Variants in G2E3 observed in about 807,000 individuals in gnomAD.
G2E3 encodes G2/M-phase specific E3 ubiquitin protein ligase.
In G2E3, 35 loss-of-function variants were observed where a neutral mutation model predicts 92.8. The observed-to-expected ratio is 0.38, with a 90% CI of 0.29 to 0.50. G2E3 has a LOEUF of 0.50. G2E3 is among the 20% of genes least tolerant of loss of function. The pLI is 0.94. For missense variants in G2E3, 554 were observed against 823.8 expected (o/e 0.67, Z 4.01); for synonymous variants, 242 against 272.4 (o/e 0.89, Z 1.10).
chr14:30,570,435 C>T (rs74900089), intron 1 of G2E3, among the ~76,000 whole-genome samples: 2,947 of 152,126 alleles, frequency 0.019, 53 homozygotes, highest in Middle Eastern at 0.034. Context: ...CTTTCTGTTC[C>T]ACTTTCTCCG....
intron 1 of G2E3, among the ~76,000 whole-genome samples, chr14:30,563,894 A>G (rs1879277199): frequency 6.6e-6 from 1 of 151,830 alleles, no homozygotes; most frequent in South Asian, 2.1e-4. Context: ...AATTTTTGTG[A>G]TTTTAGTAGA....
chr14:30,580,913 C>T lies in G2E3; in HGVS notation c.-4-163C>T, dbSNP rs1252158534. ...AAAAATGTTCCCGACTCTTAACACC[C>T]CAGTTGAGAACTACTGATCTTAGAT... On this transcript the variant is annotated intron_variant, in intron 1 of 14. Coordinates refer to ENST00000206595, the MANE Select transcript of G2E3 (RefSeq NM_017769.5). 5.2e-6 allele frequency: 3 copies of T among 579,656 alleles called. No individual in the cohort carries two copies. The African/African-American group carries it at 5.9e-5, about 11-fold the overall frequency. The allele number at this position is 579,656 out of a possible 1,614,324, so 35.9% of individuals were successfully genotyped here. A position where few individuals can be genotyped will look rare whatever the true frequency, so the allele number is the denominator to read the frequency against.
intron 3 of G2E3, among the ~76,000 whole-genome samples, chr14:30,587,790 CAGAG>C (rs1229316619): frequency 1.3e-5 from 2 of 151,852 alleles, no homozygotes; most frequent in South Asian, 2.1e-4. Context: ...ATGAGAGAGA[CAGAG>C]AGAGAGAAAT....
chr14:30,597,400 CTT>C lies in G2E3; in HGVS notation c.529-16_529-15del, dbSNP rs774750248. 1.5e-5 allele frequency: 18 copies of C among 1,200,304 alleles called. No homozygotes were observed. The highest frequency in any genetic ancestry group is 3.0e-5 in the African/African-American group (2 of 67,158). 74.4% of individuals were successfully genotyped at this position (1,200,304 alleles called of 1,614,324 possible). A position where few individuals can be genotyped will look rare whatever the true frequency, so the allele number is the denominator to read the frequency against. On this transcript the variant is annotated intron_variant, in intron 6 of 14. Transcript: ENST00000206595. ...ACAGATTTAAATCATTAACAGTAGA[CTT>C]TTTATTTTCCACTGTAGGTTCAAGC...
At chr14:30,608,624 T>C (rs896393592) in intron 12 of G2E3, among the ~76,000 whole-genome samples, 4 of 152,350 alleles carry the variant, frequency 2.6e-5, no homozygotes, top group East Asian at 3.9e-4. Flanking sequence ...TCAGCACTTA[T>C]AATGGGACCT....
intron 1 of G2E3, among the ~76,000 whole-genome samples, chr14:30,566,975 T>C (rs1879476055): frequency 2.0e-5 from 3 of 152,324 alleles, no homozygotes; most frequent in Admixed American, 2.0e-4. Flanking sequence ...TAGTATGGTA[T>C]ATTATATTGG....
At chr14:30,575,548 G>T (rs1421969743) in intron 1 of G2E3, among the ~76,000 whole-genome samples, 3 of 152,050 alleles carry the variant, frequency 2.0e-5, no homozygotes, top group Admixed American at 2.0e-4. Flanking sequence ...GGAAATAAAG[G>T]GCATCCAAAT....
intron 1 of G2E3, among the ~76,000 whole-genome samples, chr14:30,576,684 T>G (rs570807849): frequency 6.6e-6 from 1 of 152,324 alleles, no homozygotes; most frequent in South Asian, 2.1e-4. Flanking sequence ...TTATTATGTA[T>G]GGGACATCCA....
intron 1 of G2E3, chr14:30,574,692 T>C (rs1236328868): frequency 6.6e-6 from 1 of 152,256 alleles, no homozygotes; most frequent in African/African-American, 2.4e-5. Context: ...TTTTTGTTCC[T>C]GTATTACTGT....
chr14:30,567,246 C>T (rs1879490152), intron 1 of G2E3, among the ~76,000 whole-genome samples: 1 of 152,048 alleles, frequency 6.6e-6, no homozygotes, highest in African/African-American at 2.4e-5. Flanking sequence ...AGATTGGTGC[C>T]AATTTTTCTT....
At chr14:30,615,294 T>TA in intron 13 of G2E3, 55 bp from the exon 14 acceptor site, 1 of 906,574 alleles carries the variant, frequency 1.1e-6, no homozygotes, top group Non-Finnish European at 1.7e-6. Flanking sequence ...TATTCCCTAA[T>TA]ATAATACCAA....
chr14:30,575,113 C>T (rs1274039907), intron 1 of G2E3, among the ~76,000 whole-genome samples: 1 of 152,102 alleles, frequency 6.6e-6, no homozygotes, highest in African/African-American at 2.4e-5. Flanking sequence ...TGATAATAGC[C>T]ATTCTGACTG....
At chr14:30,567,477 G>T (rs1879507615) in intron 1 of G2E3, among the ~76,000 whole-genome samples, 1 of 151,782 alleles carries the variant, frequency 6.6e-6, no homozygotes, top group Non-Finnish European at 1.5e-5. Context: ...CTTTTTATTT[G>T]TATTAGGTCT....
intron 12 of G2E3, 147 bp from the exon 13 acceptor site, chr14:30,612,060 T>C: frequency 1.7e-6 from 1 of 595,992 alleles, no homozygotes. Context: ...GATCAGACAT[T>C]TATTCTAGAA....
At chr14:30,604,794 A>G (rs565261418) in intron 10 of G2E3, among the ~76,000 whole-genome samples, 66 of 152,352 alleles carry the variant, frequency 4.3e-4, no homozygotes, top group Middle Eastern at 6.8e-3. Context: ...TTAAAAAAGG[A>G]CATAGTAAAT....
intron 3 of G2E3, among the ~76,000 whole-genome samples, chr14:30,588,275 A>G (rs1291126662): frequency 1.4e-4 from 22 of 152,002 alleles, no homozygotes; most frequent in Non-Finnish European, 5.9e-5. Flanking sequence ...ATTTTTTTCT[A>G]TAAAAAGTAA....
rs762985458 is a variant in G2E3 at position 30,612,323 on chromosome 14, A to C, written c.1617A>C (p.Leu539Phe). Residue 539 changes from leucine (L) to phenylalanine (F), a missense_variant, in exon 13 of 15, where the codon TTA becomes TTC. By Grantham distance (22) the Leu-to-Phe change is conservative. Around this residue, in one of 3 missense-constraint regions of G2E3, gnomAD observed 397 missense variants for 560.3 expected, o/e 0.71. Transcript: ENST00000206595. ...CGACATTAAGTGATAAATATATGTT[A>C]GTAAAAGACATACTTGGCTACCATG... ...LITTLSDKYM[L>F]VKDILGYHVI... The C allele has an allele frequency of 1.2e-6, 2 of 1,607,376 alleles. No homozygotes were observed. Among genetic ancestry groups the C allele is most frequent in the Admixed American group, 3.3e-5 (2 of 59,804 alleles).
intron 1 of G2E3, among the ~76,000 whole-genome samples, chr14:30,562,148 T>A (rs1566519908): frequency 6.6e-6 from 1 of 152,132 alleles, no homozygotes. Flanking sequence ...AATGTATTTT[T>A]AAAATATTTA....
At chr14:30,590,579 G>A (rs1299471279) in intron 4 of G2E3, 3 of 441,346 alleles carry the variant, frequency 6.8e-6, no homozygotes, top group South Asian at 1.6e-5. Context: ...ATTCAAGAAG[G>A]TCTACAAGGG....
Sources: gnomAD v4.1 joint callset for allele counts (sites outside exome capture counted in the v4.1 genomes callset) on GRCh38, gnomAD v4.1.1 for gene constraint, gnomAD v4.1.1 regional missense constraint, MANE v1.5 for transcripts, NCBI Gene and HGNC (gene_info 2026-07-23, HGNC 2026-07-21) for gene names.